SRBD1: variants seen among roughly 807,000 people sequenced by gnomAD.
SRBD1 encodes S1 RNA-binding domain-containing protein 1.
SRBD1 carries 88 observed loss-of-function variants against 115.3 expected under a neutral mutation model. The ratio of observed to expected loss-of-function variants is 0.76; its 90% CI spans 0.64 to 0.91. SRBD1 has a LOEUF of 0.91. Ranked by LOEUF, SRBD1 falls within the 40% of genes least tolerant of loss-of-function variation. The probability of loss-of-function intolerance (pLI) is 0.00; values close to 1 mark genes in which losing one functional copy is unlikely to be tolerated. For missense variants in SRBD1, 1,385 were observed against 1,177.4 expected (o/e 1.18, Z -2.58); for synonymous variants, 509 against 407.7 (o/e 1.25, Z -2.99).
Position 45,488,296 on chromosome 2 carries a change from A to G in SRBD1, c.1910T>C (p.Val637Ala), listed in dbSNP as rs1300648562. The G allele has an allele frequency of 3.1e-6, 5 of 1,613,998 alleles. No homozygotes were observed. Among genetic ancestry groups the G allele is most frequent in the Non-Finnish European group, 4.2e-6 (5 of 1,179,958 alleles). ...VSEAGASIYS[V>A]SPEANKEMPG... is the part of the protein sequence containing the mutation. ...CATCTCTTTGTTAGCTTCAGGGCTGACACTGTAGATTGATGCTCCTGCTTC... is the reference window on the plus strand; with the variant it reads ...CATCTCTTTGTTAGCTTCAGGGCTGGCACTGTAGATTGATGCTCCTGCTTC... Residue 637 changes from valine (V) to alanine (A), a missense_variant, in exon 15 of 21, where the codon GTC (valine) becomes GCC (alanine). Physicochemically the swap from Val to Ala is moderately conservative, Grantham distance 64. Coordinates refer to ENST00000263736, the MANE Select transcript of SRBD1 (RefSeq NM_018079.5).
At chr2:45,476,149 T>A (rs1286089626) in intron 16 of SRBD1, among the ~76,000 whole-genome samples, 1 of 152,186 alleles carries the variant, frequency 6.6e-6, no homozygotes, top group African/African-American at 2.4e-5. Flanking sequence ...CAGTTGAATC[T>A]CAATATATGA....
intron 14 of SRBD1, among the ~76,000 whole-genome samples, chr2:45,502,625 G>A (rs1670669428): frequency 1.3e-5 from 2 of 148,148 alleles, no homozygotes; most frequent in Admixed American, 1.4e-4. Context: ...GGTGGGAATT[G>A]AACAATGAGA....
chr2:45,492,490 G>A (rs1458927415), intron 14 of SRBD1, among the ~76,000 whole-genome samples: 3 of 152,164 alleles, frequency 2.0e-5, no homozygotes, highest in Non-Finnish European at 2.9e-5. Context: ...CCAGGCTGGA[G>A]TGCAGTGGCG....
At chr2:45,421,778 G>A (rs1187643426) in intron 16 of SRBD1, among the ~76,000 whole-genome samples, 1 of 152,210 alleles carries the variant, frequency 6.6e-6, no homozygotes, top group East Asian at 1.9e-4. Context: ...AACAGCAGAA[G>A]CTTTTGTTCT....
chr2:45,414,890 T>C (rs1238773830), intron 18 of SRBD1, among the ~76,000 whole-genome samples: 1 of 140,804 alleles, frequency 7.1e-6, no homozygotes, highest in East Asian at 2.0e-4. Flanking sequence ...GTGTATATAG[T>C]ATGTACACAC....
chr2:45,492,612 G>T (rs1324650042), intron 14 of SRBD1, among the ~76,000 whole-genome samples: 3 of 152,054 alleles, frequency 2.0e-5, no homozygotes, highest in African/African-American at 7.2e-5. Flanking sequence ...CTAATTTTTT[G>T]TATTTTGTAG....
At chr2:45,467,771 C>T (rs1669533686) in intron 16 of SRBD1, among the ~76,000 whole-genome samples, 1 of 152,058 alleles carries the variant, frequency 6.6e-6, no homozygotes, top group Admixed American at 6.6e-5. Context: ...TTTTCACTAA[C>T]AATGAAAATA....
intron 14 of SRBD1, among the ~76,000 whole-genome samples, chr2:45,529,189 T>G (rs1165580538): frequency 6.6e-6 from 1 of 151,922 alleles, no homozygotes; most frequent in Non-Finnish European, 1.5e-5. Flanking sequence ...AAGGATTCTG[T>G]GCATGCACTA....
At chr2:45,483,495 T>A (rs949497322) in intron 15 of SRBD1, among the ~76,000 whole-genome samples, 1 of 152,074 alleles carries the variant, frequency 6.6e-6, no homozygotes, top group Admixed American at 6.6e-5. Flanking sequence ...ATGTCTTATA[T>A]CCAAAGAATA....
At chr2:45,422,615 G>C (rs3821054) in intron 16 of SRBD1, among the ~76,000 whole-genome samples, 11,120 of 152,240 alleles carry the variant, frequency 0.073, 713 homozygotes, top group African/African-American at 0.16. Flanking sequence ...AATTGGTCAG[G>C]AATAGGTATT....
Position 45,443,805 on chromosome 2 carries a change from GAAA to G in SRBD1, c.2050-23914_2050-23912del, listed in dbSNP as rs10611144. The stretch of plus-strand genomic sequence containing the variant: ...ATGCAAATAGTTCTGAAGTTATTTT[GAAA>G]AAAAAAAAAAAAAAGAGGTGATAAC... On this transcript the variant is annotated intron_variant, in intron 16 of 20. Coordinates refer to ENST00000263736, the MANE Select transcript of SRBD1 (RefSeq NM_018079.5). Among the ~76,000 whole-genome samples the G allele has an allele frequency of 2.4e-4, 31 of 130,734 alleles. 1 individual carries two copies. In the South Asian group the frequency reaches 4.6e-3, roughly 20 times the overall value. The allele number at this position is 130,734 out of a possible 152,430, so 85.8% of individuals were successfully genotyped here. A position where few individuals can be genotyped will look rare whatever the true frequency, so the allele number is the denominator to read the frequency against.
intron 14 of SRBD1, among the ~76,000 whole-genome samples, chr2:45,522,215 A>G (rs1671306678): frequency 6.6e-6 from 1 of 151,920 alleles, no homozygotes; most frequent in Non-Finnish European, 1.5e-5. Flanking sequence ...AGAGGGTCTC[A>G]TTCTGTTGCC....
At chr2:45,400,125 T>C (rs932380728) in intron 19 of SRBD1, among the ~76,000 whole-genome samples, 5 of 152,196 alleles carry the variant, frequency 3.3e-5, no homozygotes, top group African/African-American at 4.8e-5. Context: ...AATAAATCCC[T>C]AGTTGTCCTC....
At position 45,608,510 on chromosome 2, in the gene SRBD1, T is replaced by C. The variant is rs560929548; in HGVS notation, c.-1+2709A>G. 3.3e-5 allele frequency among the ~76,000 whole-genome samples: 5 copies of C among 152,264 alleles called. 1 individual carries two copies. The South Asian group carries it at 8.3e-4, about 25-fold the overall frequency. On this transcript the variant is annotated intron_variant, in intron 1 of 20. Coordinates refer to ENST00000263736, the MANE Select transcript of SRBD1 (RefSeq NM_018079.5). Reference sequence around the variant, plus strand: ...TTTCTCCATCTCCACTACTCCCATATCCTCTTACTTTGTGTCATAAAACTT... The same window carrying C: ...TTTCTCCATCTCCACTACTCCCATACCCTCTTACTTTGTGTCATAAAACTT...
intron 14 of SRBD1, among the ~76,000 whole-genome samples, chr2:45,490,556 TA>T (rs1377173810): frequency 6.6e-6 from 1 of 152,184 alleles, no homozygotes; most frequent in Non-Finnish European, 1.5e-5. Context: ...GAGAAAAGAA[TA>T]TTTTTGTAAA....
At chr2:45,411,883 G>A (rs1055424663) in intron 19 of SRBD1, among the ~76,000 whole-genome samples, 1 of 152,112 alleles carries the variant, frequency 6.6e-6, no homozygotes, top group African/African-American at 2.4e-5. Flanking sequence ...GGCCAAGGTG[G>A]GTGGATCACT....
chr2:45,480,908 C>T (rs969826984), intron 15 of SRBD1, among the ~76,000 whole-genome samples: 3 of 152,162 alleles, frequency 2.0e-5, no homozygotes, highest in African/African-American at 7.2e-5. Context: ...GCATCACATG[C>T]TACAGAGAAA....
intron 4 of SRBD1, among the ~76,000 whole-genome samples, chr2:45,595,043 C>T (rs192563538): frequency 1.3e-5 from 2 of 152,178 alleles, no homozygotes; most frequent in African/African-American, 4.8e-5. Flanking sequence ...ACCAACCCCC[C>T]TGCTTAATTC....
rs545029938 is a variant in SRBD1 at position 45,611,256 on chromosome 2, G to C, written c.-38C>G. 1 of 152,328 alleles carries C rather than the reference G, an allele frequency of 6.6e-6. No homozygotes were observed. Among genetic ancestry groups the C allele is most frequent in the South Asian group, 2.1e-4 (1 of 4,826 alleles). 9.4% of individuals were successfully genotyped at this position (152,328 alleles called of 1,614,324 possible). ...CACGTCAGAAGACCCGAGATTCCGTGAGTGCCACCGCACCTTCCGGTTCCC... is the reference window on the plus strand; with the variant it reads ...CACGTCAGAAGACCCGAGATTCCGTCAGTGCCACCGCACCTTCCGGTTCCC... On this transcript the variant is annotated 5_prime_UTR_variant, in exon 1 of 21. Transcript: ENST00000263736.
Sources: gnomAD v4.1 joint callset for allele counts (sites outside exome capture counted in the v4.1 genomes callset) on GRCh38, gnomAD v4.1.1 for gene constraint, MANE v1.5 for transcripts, NCBI Gene and HGNC (gene_info 2026-07-23, HGNC 2026-07-21) for gene names.